The following FBXW10B variants were observed in gnomAD, a reference collection of about 807,000 sequenced individuals.
FBXW10B encodes the protein F-box and WD repeat domain containing protein 10B.
chr17:15,595,838 T>A, the FBXW10B span, among the ~76,000 whole-genome samples: 102 of 152,076 alleles, frequency 6.7e-4, no homozygotes, highest in African/African-American at 2.4e-3. Context: ...GAAAAAAAAT[T>A]CTCTGTTCAT....
the FBXW10B span, among the ~76,000 whole-genome samples, chr17:15,582,498 T>C: frequency 1.3e-5 from 2 of 152,200 alleles, no homozygotes; most frequent in Admixed American, 1.3e-4. Flanking sequence ...TATTCTCTCT[T>C]TATTCCAAAA....
At chr17:15,584,530 A>C in the FBXW10B span, among the ~76,000 whole-genome samples, 1 of 152,214 alleles carries the variant, frequency 6.6e-6, no homozygotes, top group East Asian at 1.9e-4. Flanking sequence ...TAAATGTTTT[A>C]GGAAAAATGA....
At chr17:15,602,362 T>TG in the FBXW10B span, among the ~76,000 whole-genome samples, 5 of 152,136 alleles carry the variant, frequency 3.3e-5, no homozygotes, top group Middle Eastern at 3.4e-3. Context: ...GTAGTTGCTG[T>TG]GGGGGAGAAA....
the FBXW10B span, among the ~76,000 whole-genome samples, chr17:15,578,588 C>T: frequency 3.3e-5 from 5 of 152,026 alleles, no homozygotes; most frequent in East Asian, 1.9e-4. Context: ...GTGTCTGTCA[C>T]GTGGCAGGCA....
At chr17:15,593,453 G>T in the FBXW10B span, 8 of 1,614,120 alleles carry the variant, frequency 5.0e-6, no homozygotes, top group Non-Finnish European at 5.9e-6. Context: ...CTGCACAGGC[G>T]CTGATGACCC....
At chr17:15,580,954 G>C in the FBXW10B span, among the ~76,000 whole-genome samples, 2 of 152,040 alleles carry the variant, frequency 1.3e-5, no homozygotes, top group Non-Finnish European at 2.9e-5. Flanking sequence ...CCATCTTACA[G>C]ATGAAGAATC....
chr17:15,619,016 T>C, the FBXW10B span: 1 of 1,613,192 alleles, frequency 6.2e-7, no homozygotes, highest in Non-Finnish European at 8.5e-7. Context: ...ACCTGAGATA[T>C]TGTTCTCCTC....
At chr17:15,616,939 T>C in the FBXW10B span, among the ~76,000 whole-genome samples, 18 of 151,998 alleles carry the variant, frequency 1.2e-4, no homozygotes, top group African/African-American at 2.9e-4. Flanking sequence ...CTGCGGAGCA[T>C]TGCATCTGTG....
At chr17:15,613,510 G>A in the FBXW10B span, 2 of 881,486 alleles carry the variant, frequency 2.3e-6, no homozygotes, top group Admixed American at 3.0e-5. Flanking sequence ...AAATGTAGAG[G>A]AGGAGGCCAG....
the FBXW10B span, chr17:15,573,341 C>T: frequency 6.6e-6 from 1 of 152,292 alleles, no homozygotes; most frequent in East Asian, 1.9e-4. Flanking sequence ...GAAACAGAAC[C>T]CCATAGAATT....
the FBXW10B span, among the ~76,000 whole-genome samples, chr17:15,587,305 T>C: frequency 6.6e-6 from 1 of 151,498 alleles, no homozygotes; most frequent in Non-Finnish European, 1.5e-5. Flanking sequence ...AAATGCCACC[T>C]CAAGGCAGAA....
At chr17:15,600,162 G>A in the FBXW10B span, among the ~76,000 whole-genome samples, 1 of 151,328 alleles carries the variant, frequency 6.6e-6, no homozygotes, top group Non-Finnish European at 1.5e-5. Context: ...CTTGCAGTGA[G>A]CCGAGATGGC....
chr17:15,594,545 A>G, the FBXW10B span: 1 of 682,584 alleles, frequency 1.5e-6, no homozygotes, highest in Admixed American at 3.0e-5. Context: ...AAAACAAGGG[A>G]GAGTGGAAGA....
At chr17:15,594,202 G>T in the FBXW10B span, among the ~76,000 whole-genome samples, 3 of 152,042 alleles carry the variant, frequency 2.0e-5, no homozygotes, top group African/African-American at 7.2e-5. Context: ...GCTGGGCAAG[G>T]TGGCTCACGC....
chr17:15,601,189 C>T, the FBXW10B span, among the ~76,000 whole-genome samples: 2 of 149,948 alleles, frequency 1.3e-5, no homozygotes, highest in Admixed American at 6.7e-5. Context: ...GCGGGCGGAT[C>T]ACAAGGTCAG....
the FBXW10B span, chr17:15,605,434 G>A: frequency 6.7e-7 from 1 of 1,487,564 alleles, no homozygotes; most frequent in African/African-American, 1.4e-5. Flanking sequence ...CTGAGTGCCA[G>A]GGGAAAAGGA....
At chr17:15,615,722 G>A in the FBXW10B span, 9 of 1,613,644 alleles carry the variant, frequency 5.6e-6, no homozygotes, top group Non-Finnish European at 7.6e-6. Context: ...CTGAGTTTTG[G>A]CTGTCCAATA....
At chr17:15,596,904 C>A in the FBXW10B span, among the ~76,000 whole-genome samples, 2 of 152,126 alleles carry the variant, frequency 1.3e-5, no homozygotes, top group Non-Finnish European at 2.9e-5. Flanking sequence ...TCCAGAAGAC[C>A]TTGGCTATGG....
chr17:15,584,716 C>T, the FBXW10B span, among the ~76,000 whole-genome samples: 4 of 152,120 alleles, frequency 2.6e-5, no homozygotes, highest in Admixed American at 6.6e-5. Context: ...GCTTCATTTT[C>T]GTTTGCATGG....
Sources: gnomAD v4.1 joint callset for allele counts (sites outside exome capture counted in the v4.1 genomes callset) on GRCh38, gnomAD v4.1.1 for gene constraint, MANE v1.5 for transcripts, NCBI Gene and HGNC (gene_info 2026-07-23, HGNC 2026-07-21) for gene names.